Variants in KCTD3 observed in about 807,000 individuals in gnomAD.
KCTD3 encodes BTB/POZ domain-containing protein KCTD3.
In KCTD3, 41 loss-of-function variants were observed where a neutral mutation model predicts 85.8. The observed-to-expected ratio is 0.48, with a 90% CI of 0.37 to 0.62. KCTD3 has a LOEUF of 0.62. Among genes scored for constraint, KCTD3 ranks in the 20% least tolerant of loss-of-function variants. The pLI, the probability that KCTD3 is intolerant of heterozygous loss-of-function variation, is 0.00. For missense variants in KCTD3, 724 were observed against 989.9 expected (o/e 0.73, Z 3.60); for synonymous variants, 338 against 345.4 (o/e 0.98, Z 0.24).
At chr1:215,571,491 A>G (rs1271605337) in intron 1 of KCTD3, among the ~76,000 whole-genome samples, 1 of 152,210 alleles carries the variant, frequency 6.6e-6, no homozygotes, top group Non-Finnish European at 1.5e-5. Flanking sequence ...TGTGTTCCCT[A>G]AAGTACCCCT....
chr1:215,579,530 G>A (rs1284300394), intron 7 of KCTD3, among the ~76,000 whole-genome samples: 1 of 148,258 alleles, frequency 6.7e-6, no homozygotes, highest in African/African-American at 2.5e-5. Flanking sequence ...ACGGAGTCTC[G>A]CTCTGTCGCT....
intron 8 of KCTD3, among the ~76,000 whole-genome samples, chr1:215,581,921 T>TA (rs910502514): frequency 3.9e-5 from 6 of 152,190 alleles, no homozygotes; most frequent in African/African-American, 1.2e-4. Context: ...ACAAAACCTT[T>TA]AAAAAAAGAG....
At chr1:215,570,047 C>T (rs1411809494) in intron 1 of KCTD3, among the ~76,000 whole-genome samples, 1 of 152,122 alleles carries the variant, frequency 6.6e-6, no homozygotes, top group Non-Finnish European at 1.5e-5. Context: ...TAGAAGTCAC[C>T]TGTATCTTGT....
intron 17 of KCTD3, 63 bp from the exon 18 acceptor site, chr1:215,619,994 A>T: frequency 8.1e-7 from 1 of 1,230,560 alleles, no homozygotes; most frequent in Non-Finnish European, 1.1e-6. Flanking sequence ...TTGTATAATT[A>T]ATATGTTCCT....
intron 9 of KCTD3, among the ~76,000 whole-genome samples, chr1:215,591,598 G>A (rs1240654940): frequency 6.6e-6 from 1 of 151,916 alleles, no homozygotes; most frequent in Non-Finnish European, 1.5e-5. Context: ...CTCGTAATCC[G>A]CCCGCCTCAG....
Position 215,611,829 on chromosome 1 carries a change from T to G in KCTD3, c.1470T>G (p.Pro490=). The change falls in exon 15 of 18, where the codon CCT becomes CCG. Residue 490 remains proline, a synonymous_variant. Transcript: ENST00000259154. ...CATTTTTGTTTTCTGATCAAGGACC[T>G]TTTGGAGAGCGAGACGATCAACAGG... The part of the protein sequence containing the change: ...GSYSSGNDIG[P]FGERDDQQVF... 1 of 1,598,166 alleles carries G rather than the reference T, an allele frequency of 6.3e-7. No homozygotes were observed. The highest frequency in any genetic ancestry group is 8.5e-7 in the Non-Finnish European group (1 of 1,170,320).
At chr1:215,582,531 TTTTA>T (rs1203473392) in intron 8 of KCTD3, among the ~76,000 whole-genome samples, 24 of 152,230 alleles carry the variant, frequency 1.6e-4, no homozygotes, top group African/African-American at 5.5e-4. Flanking sequence ...TTATATTTTG[TTTTA>T]TTTATTATTA....
intron 10 of KCTD3, among the ~76,000 whole-genome samples, chr1:215,600,740 C>G (rs1413303632): frequency 2.0e-5 from 3 of 152,052 alleles, no homozygotes; most frequent in Non-Finnish European, 4.4e-5. Context: ...AAGTAAAAGT[C>G]CCTTAACATT....
intron 15 of KCTD3, chr1:215,618,200 G>C: frequency 2.3e-6 from 1 of 441,834 alleles, no homozygotes; most frequent in Non-Finnish European, 4.8e-6. Context: ...TGAGAGTACA[G>C]GAAAAATACT....
chr1:215,588,892 A>C (rs1169317124), intron 9 of KCTD3, among the ~76,000 whole-genome samples: 1 of 152,232 alleles, frequency 6.6e-6, no homozygotes, highest in Non-Finnish European at 1.5e-5. Flanking sequence ...ATTATTGAAA[A>C]GTTACCATGT....
chr1:215,568,727 T>C (rs1659251938), intron 1 of KCTD3, among the ~76,000 whole-genome samples: 1 of 152,164 alleles, frequency 6.6e-6, no homozygotes, highest in Admixed American at 6.5e-5. Context: ...ATTTTAAAAG[T>C]ATTTTAATGT....
intron 10 of KCTD3, among the ~76,000 whole-genome samples, chr1:215,600,775 C>CT (rs145270663): frequency 0.021 from 3,271 of 152,206 alleles, 109 homozygotes; most frequent in African/African-American, 0.073. Context: ...TATTGGAAAT[C>CT]TTTTAGACTT....
chr1:215,592,742 T>G (rs902130182), intron 9 of KCTD3, among the ~76,000 whole-genome samples: 2 of 152,182 alleles, frequency 1.3e-5, no homozygotes, highest in Non-Finnish European at 2.9e-5. Context: ...CAAAGAAAAT[T>G]GTTAGGGCTG....
chr1:215,612,460 C>T (rs1167613278), intron 15 of KCTD3, among the ~76,000 whole-genome samples: 7 of 151,950 alleles, frequency 4.6e-5, no homozygotes, highest in Non-Finnish European at 1.0e-4. Flanking sequence ...GAGAAATTGT[C>T]TGTCTCCGTG....
intron 9 of KCTD3, 123 bp from the exon 10 acceptor site, chr1:215,595,232 AT>A (rs1660372819): frequency 1.6e-6 from 1 of 639,562 alleles, no homozygotes; most frequent in Non-Finnish European, 2.8e-6. Context: ...CCCAACACGT[AT>A]AGCACATAGT....
chr1:215,591,989 G>A (rs534834068), intron 9 of KCTD3, among the ~76,000 whole-genome samples: 96 of 152,340 alleles, frequency 6.3e-4, no homozygotes, highest in African/African-American at 2.2e-3. Flanking sequence ...GGAGGAGCAA[G>A]TCACATCTTA....
chr1:215,584,063 G>A (rs1287437394), intron 8 of KCTD3, among the ~76,000 whole-genome samples: 1 of 152,204 alleles, frequency 6.6e-6, no homozygotes, highest in Non-Finnish European at 1.5e-5. Flanking sequence ...GAACCAAGCT[G>A]ATGTGCTAGC....
In KCTD3 at chr1:215,614,498, A is replaced by AGTGTTTTT. The variant is rs972989869; in HGVS notation, c.1562+2580_1562+2587dup. Among the ~76,000 whole-genome samples the AGTGTTTTT allele has an allele frequency of 1.3e-4, 20 of 152,244 alleles. No individual in the cohort carries two copies. In the East Asian group the frequency reaches 3.9e-3, roughly 29 times the overall value. Reference sequence around the variant, plus strand: ...TTTGTGTTGTCTGCTTTCTTCGAGCAGTGTTTTTGTAATTCTTGTCTTAAA... The same window carrying AGTGTTTTT: ...TTTGTGTTGTCTGCTTTCTTCGAGCAGTGTTTTTGTGTTTTTGTAATTCTTGTCTTAAA... On this transcript the variant is annotated intron_variant, in intron 15 of 17. Transcript: ENST00000259154.
intron 8 of KCTD3, among the ~76,000 whole-genome samples, 197 bp downstream of exon 8, chr1:215,580,196 T>C (rs569025207): frequency 2.6e-5 from 4 of 152,352 alleles, no homozygotes; most frequent in African/African-American, 9.6e-5. Context: ...ATGTTTCTGA[T>C]AGCCTTTATC....
Sources: gnomAD v4.1 joint callset for allele counts (sites outside exome capture counted in the v4.1 genomes callset) on GRCh38, gnomAD v4.1.1 for gene constraint, MANE v1.5 for transcripts, NCBI Gene and HGNC (gene_info 2026-07-23, HGNC 2026-07-21) for gene names.